The following ZFYVE21 variants were observed in gnomAD, a reference collection of about 807,000 sequenced individuals.
ZFYVE21 encodes the protein zinc finger FYVE-type containing 21.
A neutral mutation model predicts 29.5 loss-of-function variants in ZFYVE21; 21 were observed. The observed-to-expected ratio is 0.71, with a 90% CI of 0.50 to 1.02. ZFYVE21 has a LOEUF of 1.02. ZFYVE21 is among the 50% of genes least tolerant of loss of function. The probability of loss-of-function intolerance (pLI) is 0.00; values close to 1 mark genes in which losing one functional copy is unlikely to be tolerated. For synonymous variants in ZFYVE21, 151 were observed against 133.8 expected (o/e 1.13, Z -0.89); for missense variants, 326 against 335.4 (o/e 0.97, Z 0.22).
At chr14:103,722,071 T>C (rs2083876987) in intron 1 of ZFYVE21, among the ~76,000 whole-genome samples, 1 of 152,202 alleles carries the variant, frequency 6.6e-6, no homozygotes, top group Non-Finnish European at 1.5e-5. Context: ...GGTGGGAGCC[T>C]GGTCTGGGGC....
At chr14:103,728,234 C>A in intron 3 of ZFYVE21, 2 of 310,852 alleles carry the variant, frequency 6.4e-6, no homozygotes, top group Middle Eastern at 9.5e-4. Flanking sequence ...CGTTTGCAAC[C>A]ACTGTGGCTC....
chr14:103,727,194 C>T, intron 2 of ZFYVE21: 1 of 347,842 alleles, frequency 2.9e-6, no homozygotes, highest in Non-Finnish European at 5.5e-6. Flanking sequence ...GATCCTCCCA[C>T]CTCGGCCTCC....
intron 6 of ZFYVE21, 54 bp downstream of exon 6, chr14:103,732,816 C>T (rs1942545830): frequency 6.2e-7 from 1 of 1,600,864 alleles, no homozygotes. Context: ...CAAAAGCTTG[C>T]CTTTCCCAGA....
rs534919044 is a variant in ZFYVE21 at position 103,727,995 on chromosome 14, C to T, written c.358+81C>T. On this transcript the variant is annotated intron_variant, in intron 3 of 6. Coordinates refer to ENST00000311141, the MANE Select transcript of ZFYVE21 (RefSeq NM_024071.4). ...CTGTGGCGATGCTGTGGGCTGTGCACGGGGCGTTCTGCTTCTCTGACGTTC... is the reference window on the plus strand; with the variant it reads ...CTGTGGCGATGCTGTGGGCTGTGCATGGGGCGTTCTGCTTCTCTGACGTTC... 133 of 1,439,962 alleles carry T rather than the reference C, an allele frequency of 9.2e-5. No homozygotes were observed. In the East Asian group the frequency reaches 3.0e-3, roughly 32 times the overall value. The allele number at this position is 1,439,962 out of a possible 1,614,324, so 89.2% of individuals were successfully genotyped here.
At chr14:103,717,034 GCACTAATTGACTGGGTT>G (rs1196506954) in intron 1 of ZFYVE21, among the ~76,000 whole-genome samples, 1 of 152,352 alleles carries the variant, frequency 6.6e-6, no homozygotes, top group African/African-American at 2.4e-5. Context: ...AGTCAAAGTA[GCACTAATTGACTGGGTT>G]CATTGAAGCT....
chr14:103,733,311 C>T lies in ZFYVE21; in HGVS notation c.*293C>T, dbSNP rs1423394276. ...AAACTATTTTTAGCATAATATATAC[C>T]ATTTTTATGAGTTCGCAGGTCTACT... is the stretch of plus-strand genomic sequence containing the variant. On this transcript the variant is annotated 3_prime_UTR_variant, in exon 7 of 7. Transcript: ENST00000311141. The T allele has an allele frequency of 5.6e-6, 2 of 356,518 alleles. No homozygotes were observed. Among genetic ancestry groups the T allele is most frequent in the Admixed American group, 4.3e-5 (1 of 23,232 alleles). 22.1% of individuals were successfully genotyped at this position (356,518 alleles called of 1,614,324 possible).
chr14:103,717,703 G>T (rs1188459780), intron 1 of ZFYVE21, among the ~76,000 whole-genome samples: 3 of 152,262 alleles, frequency 2.0e-5, no homozygotes, highest in Non-Finnish European at 4.4e-5. Flanking sequence ...TGGCGTGGTG[G>T]CAGGATACCC....
intron 1 of ZFYVE21, among the ~76,000 whole-genome samples, chr14:103,723,244 A>T (rs1229906706): frequency 6.6e-6 from 1 of 152,172 alleles, no homozygotes; most frequent in Non-Finnish European, 1.5e-5. Context: ...GGGGTCAGGG[A>T]AGGGGCCACC....
At chr14:103,729,395 A>G (rs975230184) in intron 5 of ZFYVE21, 30 of 587,886 alleles carry the variant, frequency 5.1e-5, no homozygotes, top group Non-Finnish European at 8.1e-5. Flanking sequence ...CTGTAAGACA[A>G]CAAAGGGACA....
chr14:103,722,379 G>C (rs1164569381), intron 1 of ZFYVE21, among the ~76,000 whole-genome samples: 127 of 120,856 alleles, frequency 1.1e-3, no homozygotes, highest in Admixed American at 5.5e-3. Flanking sequence ...TTTTGAGACA[G>C]GGTCTCACTC....
chr14:103,721,289 C>T (rs569939931), intron 1 of ZFYVE21, among the ~76,000 whole-genome samples: 4 of 152,368 alleles, frequency 2.6e-5, no homozygotes, highest in South Asian at 2.1e-4. Flanking sequence ...AGGGCTCTGA[C>T]TCCTGTAGGC....
At chr14:103,732,538 G>A (rs945571860) in intron 5 of ZFYVE21, 82 bp from the exon 6 acceptor site, 36 of 1,483,648 alleles carry the variant, frequency 2.4e-5, no homozygotes, top group Non-Finnish European at 2.9e-5. Flanking sequence ...GTTAGGATGT[G>A]CTGGCCACCG....
chr14:103,723,749 C>T (rs2083893770), intron 1 of ZFYVE21, among the ~76,000 whole-genome samples: 1 of 152,190 alleles, frequency 6.6e-6, no homozygotes, highest in Non-Finnish European at 1.5e-5. Flanking sequence ...CTGCAGAGTC[C>T]CAGGACCACC....
Position 103,733,048 on chromosome 14 carries a change from G to A in ZFYVE21, c.*30G>A. On this transcript the variant is annotated 3_prime_UTR_variant, in exon 7 of 7. Transcript: ENST00000311141. ...ACGTGGGGCTGAGCTTGGAGTACGT[G>A]TGGTCACCAGGACTGAGTCGCTTGG... The A allele has an allele frequency of 6.2e-7, 1 of 1,614,106 alleles. No homozygotes were observed.
intron 6 of ZFYVE21, 97 bp from the exon 7 acceptor site, chr14:103,732,886 G>A (rs779911074): frequency 3.0e-5 from 48 of 1,604,284 alleles, no homozygotes; most frequent in Non-Finnish European, 3.7e-5. Flanking sequence ...CCTCAGCTGG[G>A]GTGCCCACGC....
chr14:103,716,274 C>A lies in ZFYVE21; in HGVS notation c.138+295C>A, dbSNP rs1242267967. ...GCGGGGTGCGGGGCGCGGGCTGGTC[C>A]CGGGGGTGGGTGCGGCCCTGCCCGA... On this transcript the variant is annotated intron_variant, in intron 1 of 6. Coordinates refer to ENST00000311141, the MANE Select transcript of ZFYVE21 (RefSeq NM_024071.4). The surrounding 1 kb of genome is among the most constrained non-coding windows in gnomAD (Gnocchi z 4.8). Among the ~76,000 whole-genome samples the A allele has an allele frequency of 6.6e-6, 1 of 152,080 alleles. No individual in the cohort carries two copies. The highest frequency in any genetic ancestry group is 2.4e-5 in the African/African-American group (1 of 41,442).
At chr14:103,729,704 G>A (rs923122855) in intron 5 of ZFYVE21, 17 of 1,448,222 alleles carry the variant, frequency 1.2e-5, no homozygotes, top group Non-Finnish European at 1.5e-5. Context: ...ACAGATGCGT[G>A]TGCCGTAACC....
rs375552538 is a variant in ZFYVE21, at chr14:103,732,999, A to C, written c.686A>C (p.Tyr229Ser). The change falls in exon 7 of 7, where the codon TAT becomes TCT. Residue 229 changes from tyrosine (Y) to serine (S), a missense_variant. Tyr to Ser is a moderately radical substitution (Grantham distance 144, BLOSUM62 -2). Coordinates refer to ENST00000311141, the MANE Select transcript of ZFYVE21 (RefSeq NM_024071.4). ...VAMHKAAKLLYESRDQ is the reference protein window; with the variant it reads ...VAMHKAAKLLSESRDQ Reference sequence around the variant, plus strand: ...GATCTGCAGGCTGCCAAGCTCCTCTATGAATCTCGGGACCAGTAACTCTAC... The same window carrying C: ...GATCTGCAGGCTGCCAAGCTCCTCTCTGAATCTCGGGACCAGTAACTCTAC... 9.9e-6 allele frequency: 16 copies of C among 1,614,094 alleles called. No homozygotes were observed. In the South Asian group the frequency reaches 1.5e-4, roughly 16 times the overall value.
At chr14:103,732,510 C>T (rs914098174) in intron 5 of ZFYVE21, 110 bp from the exon 6 acceptor site, 27 of 1,364,442 alleles carry the variant, frequency 2.0e-5, no homozygotes, top group Middle Eastern at 4.4e-4. Flanking sequence ...TGCCAGGCTA[C>T]TCTTGGAGCA....
Sources: gnomAD v4.1 joint callset for allele counts (sites outside exome capture counted in the v4.1 genomes callset) on GRCh38, gnomAD v4.1.1 for gene constraint, Gnocchi (gnomAD v3.1) non-coding constraint, MANE v1.5 for transcripts, NCBI Gene and HGNC (gene_info 2026-07-23, HGNC 2026-07-21) for gene names.